CCN4: variants seen among roughly 807,000 people sequenced by gnomAD.
CCN4 encodes CCN family member 4.
Under a neutral mutation model 36.7 loss-of-function variants are expected in CCN4, and 30 were observed. That is an observed-to-expected ratio of 0.82 (90% CI 0.61 to 1.11). The LOEUF (loss-of-function observed/expected upper bound fraction) is 1.11. CCN4 is among the 50% of genes least tolerant of loss of function. CCN4 has a pLI of 0.00. For missense variants in CCN4, 505 were observed against 504.9 expected, an observed-to-expected ratio of 1.00 and a Z score of 0.00; for synonymous variants, 191 against 195.4, an observed-to-expected ratio of 0.98 and a Z score of 0.19.
intron 3 of CCN4, among the ~76,000 whole-genome samples, chr8:133,221,327 A>C (rs528004465): frequency 6.6e-6 from 1 of 152,212 alleles, no homozygotes; most frequent in Admixed American, 6.5e-5. Context: ...GACAGGCCCA[A>C]TTGTTTCACT....
At chr8:133,200,458 C>T (rs1004472577) in intron 1 of CCN4, among the ~76,000 whole-genome samples, 6 of 152,198 alleles carry the variant, frequency 3.9e-5, no homozygotes, top group Admixed American at 2.0e-4. Flanking sequence ...TGTCTGTGTT[C>T]GCTGTGGCTC....
At chr8:133,224,311 G>T (rs1854649105) in intron 3 of CCN4, among the ~76,000 whole-genome samples, 1 of 137,766 alleles carries the variant, frequency 7.3e-6, no homozygotes, top group Non-Finnish European at 1.5e-5. Context: ...CACGATCTTG[G>T]CTCACTGCAA....
At position 133,230,757 on chromosome 8, in the gene CCN4, A is replaced by C. The variant is rs1854929724; in HGVS notation, c.*3047A>C. ...GCAAAAGGGAAGGAGACCTGAATTC[A>C]CCAAGTTAAATCTTGCTAAACCTTA... On this transcript the variant is annotated 3_prime_UTR_variant, in exon 5 of 5. Transcript: ENST00000250160. 2 of 152,242 alleles carry C rather than the reference A, an allele frequency of 1.3e-5. No homozygotes were observed. Among genetic ancestry groups the C allele is most frequent in the Admixed American group, 1.3e-4 (2 of 15,288 alleles). The allele number at this position is 152,242 out of a possible 1,614,324, so 9.4% of individuals were successfully genotyped here. A position where few individuals can be genotyped will look rare whatever the true frequency, so the allele number is the denominator to read the frequency against.
At chr8:133,209,785 G>C (rs1040936298) in intron 1 of CCN4, among the ~76,000 whole-genome samples, 1 of 152,220 alleles carries the variant, frequency 6.6e-6, no homozygotes, top group Non-Finnish European at 1.5e-5. Context: ...GAGGAGACAG[G>C]CTTCTGTGTG....
At position 133,213,042 on chromosome 8, in the gene CCN4, T is replaced by C. The variant is rs759200222; in HGVS notation, c.248T>C (p.Leu83Pro). 5.6e-6 allele frequency: 9 copies of C among 1,614,176 alleles called. No individual in the cohort carries two copies. Among genetic ancestry groups the C allele is most frequent in the Middle Eastern group, 1.7e-4 (1 of 6,060 alleles). ...TGCTGTAAGATGTGCGCTCAGCAGC[T>C]TGGGGACAACTGCACGGAGGCTGCC... Reference protein sequence around the residue: ...CECCKMCAQQLGDNCTEAAIC... With the variant: ...CECCKMCAQQPGDNCTEAAIC... Residue 83 changes from leucine to proline, a missense_variant, in exon 2 of 5, where the codon CTT becomes CCT. By Grantham distance (98) the Leu-to-Pro change is moderately conservative. Coordinates refer to ENST00000250160, the MANE Select transcript of CCN4 (RefSeq NM_003882.4).
intron 1 of CCN4, among the ~76,000 whole-genome samples, chr8:133,195,183 A>ATGTGGTGTGTG (rs1387519528): frequency 1.3e-5 from 1 of 78,490 alleles, no homozygotes; most frequent in Admixed American, 1.2e-4. Context: ...GTGTTTGTGT[A>ATGTGGTGTGTG]TGTGGTGTGT....
chr8:133,192,896 G>A (rs967909082), intron 1 of CCN4, among the ~76,000 whole-genome samples: 10 of 152,230 alleles, frequency 6.6e-5, no homozygotes, highest in Non-Finnish European at 5.9e-5. Context: ...GGAGCAGAGC[G>A]TGTGGAGGGA....
At chr8:133,208,157 A>C (rs887432864) in intron 1 of CCN4, among the ~76,000 whole-genome samples, 3 of 152,154 alleles carry the variant, frequency 2.0e-5, no homozygotes, top group Non-Finnish European at 2.9e-5. Flanking sequence ...AATACCAGTC[A>C]CTGTGCAGAA....
rs746930108 is a variant in CCN4, at chr8:133,227,625, G to C, written c.1019G>C (p.Cys340Ser). The C allele has an allele frequency of 6.2e-7, 1 of 1,614,246 alleles. No homozygotes were observed. The highest frequency in any genetic ancestry group is 8.5e-7 in the Non-Finnish European group (1 of 1,180,042). ...FSRQVLWINA[C>S]FCNLSCRNPN... ...CGCCAGGTCCTATGGATTAATGCCTGCTTCTGTAACCTGAGCTGTAGGAAT... is the reference window on the plus strand; with the variant it reads ...CGCCAGGTCCTATGGATTAATGCCTCCTTCTGTAACCTGAGCTGTAGGAAT... Residue 340 changes from cysteine (C) to serine (S), a missense_variant, in exon 5 of 5, where the codon TGC (cysteine) becomes TCC (serine). By Grantham distance (112) the Cys-to-Ser change is moderately radical (BLOSUM62 -1). Coordinates refer to ENST00000250160, the MANE Select transcript of CCN4 (RefSeq NM_003882.4).
intron 2 of CCN4, among the ~76,000 whole-genome samples, chr8:133,215,787 T>G (rs962324978): frequency 6.6e-6 from 1 of 152,176 alleles, no homozygotes; most frequent in Non-Finnish European, 1.5e-5. Context: ...CTACCAGTGG[T>G]TCCCTGGTCA....
rs3739261 is a variant in CCN4, at chr8:133,227,527, T to C, written c.921T>C (p.Asn307=). ...QPKYCGVCMD[N]RCCIPYKSKT... ...AGTACTGTGGAGTTTGCATGGACAA[T>C]AGGTGCTGCATCCCCTACAAGTCTA... Residue 307 remains asparagine, a synonymous_variant, in exon 5 of 5, where the codon AAT becomes AAC. Transcript: ENST00000250160. 0.33 allele frequency: 536,172 copies of C among 1,613,938 alleles called. 91,515 individuals carry two copies. Among genetic ancestry groups the C allele is most frequent in the Admixed American group, 0.38 (23,084 of 60,014 alleles).
At chr8:133,203,128 C>T (rs905801957) in intron 1 of CCN4, among the ~76,000 whole-genome samples, 3 of 152,212 alleles carry the variant, frequency 2.0e-5, no homozygotes, top group Non-Finnish European at 2.9e-5. Flanking sequence ...CCAAGGCCTC[C>T]GACCGTCCAC....
rs572981682 is a variant in CCN4 at position 133,231,021 on chromosome 8, C to T, written c.*3311C>T. ...CTTGTGCTACGCCTAGTTATTCTGTCCCCCAAATCAAAAGGCATGACCTTT... is the reference window on the plus strand; with the variant it reads ...CTTGTGCTACGCCTAGTTATTCTGTTCCCCAAATCAAAAGGCATGACCTTT... On this transcript the variant is annotated 3_prime_UTR_variant, in exon 5 of 5. Transcript: ENST00000250160. The T allele has an allele frequency of 2.6e-5, 4 of 152,268 alleles. No individual in the cohort carries two copies. The highest frequency in any genetic ancestry group is 4.8e-5 in the African/African-American group (2 of 41,562). The allele number at this position is 152,268 out of a possible 1,614,324, so 9.4% of individuals were successfully genotyped here.
chr8:133,216,010 C>A (rs899628837), intron 2 of CCN4, among the ~76,000 whole-genome samples: 18 of 151,120 alleles, frequency 1.2e-4, no homozygotes, highest in African/African-American at 4.4e-4. Context: ...CACACACAAA[C>A]ACACAGTTAT....
chr8:133,205,614 A>T (rs1259845539), intron 1 of CCN4, among the ~76,000 whole-genome samples: 4 of 152,220 alleles, frequency 2.6e-5, no homozygotes, highest in Admixed American at 2.6e-4. Flanking sequence ...ACAGGATAGG[A>T]TATGGGGCAG....
intron 1 of CCN4, among the ~76,000 whole-genome samples, chr8:133,206,584 G>A (rs949561306): frequency 1.3e-5 from 2 of 152,190 alleles, no homozygotes; most frequent in Admixed American, 1.3e-4. Context: ...GATGTTGAAG[G>A]AGGCTGATGG....
rs1346612958 is a variant in CCN4 at position 133,220,570 on chromosome 8, T to A, written c.350-11T>A. Reference sequence around the variant, plus strand: ...AGGCCACTGGGCCTGACCGGCCACCTGTGTTTGCAGAGGTGGTCGGTGTGG... The same window carrying A: ...AGGCCACTGGGCCTGACCGGCCACCAGTGTTTGCAGAGGTGGTCGGTGTGG... On this transcript the variant is annotated splice_polypyrimidine_tract_variant and intron_variant, in intron 2 of 4. Coordinates refer to ENST00000250160, the MANE Select transcript of CCN4 (RefSeq NM_003882.4). The A allele has an allele frequency of 1.2e-6, 2 of 1,606,150 alleles. No homozygotes were observed. The highest frequency in any genetic ancestry group is 1.7e-6 in the Non-Finnish European group (2 of 1,173,514).
intron 1 of CCN4, among the ~76,000 whole-genome samples, chr8:133,210,386 GGTGT>G (rs71299053): frequency 0.092 from 13,364 of 145,542 alleles, 1,028 homozygotes; most frequent in Admixed American, 0.24. Flanking sequence ...CAAAAAGAGG[GGTGT>G]GTGTGTGTGT....
rs759108619 is a variant in CCN4 at position 133,225,517 on chromosome 8, G to C, written c.738G>C (p.Trp246Cys). 6.2e-7 allele frequency: 1 copy of C among 1,613,902 alleles called. No homozygotes were observed. The highest frequency in any genetic ancestry group is 1.7e-5 in the Admixed American group (1 of 60,022). ...TRISNVNAQC[W>C]PEQESRLCNL... ...TCTCCAATGTTAACGCCCAGTGCTG[G>C]CCTGAGCAAGAGAGCCGCCTCTGCA... The change falls in exon 4 of 5, where the codon TGG (tryptophan) becomes TGC (cysteine). Residue 246 changes from tryptophan to cysteine, a missense_variant. Physicochemically the swap from Trp to Cys is radical, Grantham distance 215. Transcript: ENST00000250160.
Sources: allele counts gnomAD v4.1 joint callset (sites outside exome capture counted in the v4.1 genomes callset), GRCh38; gene constraint gnomAD v4.1.1; transcripts MANE v1.5; gene names NCBI Gene and HGNC (gene_info 2026-07-23, HGNC 2026-07-21).